Variants in NDEL1 observed in about 807,000 individuals in gnomAD.
The protein encoded by NDEL1 is nuclear distribution protein nudE-like 1.
Under a neutral mutation model 45.7 loss-of-function variants are expected in NDEL1, and 9 were observed. That is an observed-to-expected ratio of 0.20 (90% CI 0.12 to 0.34). The LOEUF (loss-of-function observed/expected upper bound fraction) is 0.34, where lower values mean the gene tolerates loss of function less well. Ranked by LOEUF, NDEL1 falls within the 10% of genes least tolerant of loss-of-function variation. NDEL1 has a pLI of 1.00. For missense variants in NDEL1, 306 were observed against 406.2 expected (o/e 0.75, Z 2.12); for synonymous variants, 133 against 158.6 (o/e 0.84, Z 1.21).
intron 1 of NDEL1, among the ~76,000 whole-genome samples, chr17:8,428,840 A>AT (rs1297161804): frequency 1.2e-4 from 18 of 151,154 alleles, no homozygotes; most frequent in Admixed American, 2.6e-4. Context: ...CGCCCGGCTA[A>AT]TTTTTTGTAT....
chr17:8,456,296 C>T (rs1279959430), intron 7 of NDEL1, among the ~76,000 whole-genome samples: 1 of 152,128 alleles, frequency 6.6e-6, no homozygotes, highest in Non-Finnish European at 1.5e-5. Context: ...AATCTTTCTT[C>T]ACTCCCAAGA....
chr17:8,430,961 G>C (rs181030310), upstream of NDEL1, among the ~76,000 whole-genome samples: 221 of 152,270 alleles, frequency 1.5e-3, 1 homozygote, highest in Middle Eastern at 0.014. Flanking sequence ...TGGGCCCTTC[G>C]GCACCTCTTA....
At chr17:8,472,123 C>T (rs1455752364), downstream of NDEL1, among the ~76,000 whole-genome samples, 2 of 152,128 alleles carry the variant, frequency 1.3e-5, no homozygotes. Flanking sequence ...CTCTCTTCTC[C>T]AGTCTTGATG....
In NDEL1 at chr17:8,467,974, T is replaced by C. The variant is rs1911718852; in HGVS notation, c.*951T>C. ...ATTGTACATAGGTTTGTAAACATTA[T>C]TGCCTGAGATATTTGTATATAACTT... On this transcript the variant is annotated 3_prime_UTR_variant, in exon 9 of 9. Coordinates refer to ENST00000334527, the MANE Select transcript of NDEL1 (RefSeq NM_030808.5). The surrounding 1 kb of genome is among the most constrained non-coding windows in gnomAD (Gnocchi z 6.3). 1 of 152,678 alleles carries C rather than the reference T, an allele frequency of 6.5e-6. No individual in the cohort carries two copies. Among genetic ancestry groups the C allele is most frequent in the Non-Finnish European group, 1.5e-5 (1 of 68,038 alleles). The allele number at this position is 152,678 out of a possible 1,614,324, so 9.5% of individuals were successfully genotyped here. A position where few individuals can be genotyped will look rare whatever the true frequency, so the allele number is the denominator to read the frequency against.
At chr17:8,447,371 G>C (rs912998172) in intron 4 of NDEL1, among the ~76,000 whole-genome samples, 1 of 152,172 alleles carries the variant, frequency 6.6e-6, no homozygotes, top group Non-Finnish European at 1.5e-5. Context: ...TTGAATTCCT[G>C]CCATCAAGTG....
rs190118923 is a variant in NDEL1, at chr17:8,460,112, A to G, written c.896A>G (p.Asn299Ser). The G allele has an allele frequency of 1.5e-5, 24 of 1,614,214 alleles. No individual in the cohort carries two copies. Among genetic ancestry groups the G allele is most frequent in the East Asian group, 2.2e-5 (1 of 44,890 alleles). Reference sequence around the variant, plus strand: ...GTTAACTGTGGGGTGCTGAATGGCAATGGCACAAAGTTCTCTCGATCAGGG... The same window carrying G: ...GTTAACTGTGGGGTGCTGAATGGCAGTGGCACAAAGTTCTCTCGATCAGGG... Reference protein sequence around the residue: ...GNVNCGVLNGNGTKFSRSGHT... With the variant: ...GNVNCGVLNGSGTKFSRSGHT... The change falls in exon 8 of 9, where the codon AAT (asparagine) becomes AGT (serine). Residue 299 changes from asparagine (N) to serine (S), a missense_variant. Asn to Ser is a conservative substitution (Grantham distance 46). Coordinates refer to ENST00000334527, the MANE Select transcript of NDEL1 (RefSeq NM_030808.5).
chr17:8,422,667 G>A (rs547134235), intron 1 of NDEL1, among the ~76,000 whole-genome samples: 12 of 152,146 alleles, frequency 7.9e-5, no homozygotes, highest in South Asian at 4.1e-4. Context: ...AAGAAGTCCC[G>A]TCGCCTAATT....
chr17:8,416,071 A>G (rs991632564), intron 1 of NDEL1, among the ~76,000 whole-genome samples: 13 of 152,200 alleles, frequency 8.5e-5, no homozygotes, highest in African/African-American at 2.9e-4. Flanking sequence ...TTAAGCGTAC[A>G]GTTCAGTGGC....
intron 5 of NDEL1, among the ~76,000 whole-genome samples, chr17:8,449,462 G>A (rs1431462420): frequency 6.6e-6 from 1 of 152,174 alleles, no homozygotes; most frequent in Non-Finnish European, 1.5e-5. Flanking sequence ...GTCCAGTAGT[G>A]TTAAGTATAG....
chr17:8,464,485 C>A (rs1911444853), intron 8 of NDEL1: 1 of 152,224 alleles, frequency 6.6e-6, no homozygotes. Context: ...CAGCTTTCTT[C>A]TCTCTCTGTT....
chr17:8,456,781 G>A (rs565094663), intron 7 of NDEL1, among the ~76,000 whole-genome samples: 200 of 152,280 alleles, frequency 1.3e-3, no homozygotes, highest in African/African-American at 4.6e-3. Context: ...TTACAGGCAT[G>A]AGCCACCATG....
chr17:8,423,342 A>C (rs962571597), intron 1 of NDEL1, among the ~76,000 whole-genome samples: 2 of 152,050 alleles, frequency 1.3e-5, no homozygotes, highest in African/African-American at 4.8e-5. Context: ...AATTGAAAAG[A>C]TTGTAGGGCA....
intron 7 of NDEL1, among the ~76,000 whole-genome samples, chr17:8,455,533 C>CA: frequency 6.6e-6 from 1 of 151,866 alleles, no homozygotes. Context: ...ACTAAAAATA[C>CA]AAAAATTAGT....
intron 1 of NDEL1, among the ~76,000 whole-genome samples, chr17:8,429,640 A>G (rs1908952326): frequency 6.6e-6 from 1 of 152,110 alleles, no homozygotes; most frequent in Non-Finnish European, 1.5e-5. Flanking sequence ...GGAATCATCT[A>G]TTTGGGGGAC....
downstream of NDEL1, among the ~76,000 whole-genome samples, chr17:8,471,763 C>T (rs1911838422): frequency 6.6e-6 from 1 of 152,222 alleles, no homozygotes; most frequent in South Asian, 2.1e-4. Context: ...TGAGGTACTT[C>T]ACAATCTGCT....
chr17:8,420,756 G>C (rs1048465443), intron 1 of NDEL1, among the ~76,000 whole-genome samples: 2 of 152,170 alleles, frequency 1.3e-5, no homozygotes, highest in African/African-American at 4.8e-5. Context: ...TGTAAGAGAA[G>C]GAGAACCAAG....
At position 8,447,331 on chromosome 17, in the gene NDEL1, C is replaced by T. The variant is rs957233285; in HGVS notation, c.389+429C>T. Among the ~76,000 whole-genome samples the T allele has an allele frequency of 3.9e-5, 6 of 152,056 alleles. No homozygotes were observed. In the South Asian group the frequency reaches 8.3e-4, roughly 21 times the overall value. On this transcript the variant is annotated intron_variant, in intron 4 of 8. Coordinates refer to ENST00000334527, the MANE Select transcript of NDEL1 (RefSeq NM_030808.5). ...CTAATTTTTGTATTTTTAGTAGAGA[C>T]GGGGTTTTGCCATGTTGGCCAGGCT... is the stretch of plus-strand genomic sequence containing the variant.
At chr17:8,441,695 A>G (rs922797303) in intron 1 of NDEL1, among the ~76,000 whole-genome samples, 4 of 151,866 alleles carry the variant, frequency 2.6e-5, no homozygotes, top group East Asian at 3.9e-4. Flanking sequence ...GCTCTATGCT[A>G]TCTGTTCTAT....
intron 1 of NDEL1, among the ~76,000 whole-genome samples, chr17:8,441,684 T>C (rs558419075): frequency 6.6e-6 from 1 of 152,326 alleles, no homozygotes; most frequent in East Asian, 1.9e-4. Context: ...TTCTCACTTG[T>C]GCTCTATGCT....
Sources: allele counts gnomAD v4.1 joint callset (sites outside exome capture counted in the v4.1 genomes callset), GRCh38; gene constraint gnomAD v4.1.1; non-coding constraint Gnocchi (gnomAD v3.1); transcripts MANE v1.5; gene names NCBI Gene and HGNC (gene_info 2026-07-23, HGNC 2026-07-21).